Variants in PHF24 observed in about 807,000 individuals in gnomAD.
PHF24 encodes Galpha inhibitory interacting protein.
In PHF24, 25 loss-of-function variants were observed where a neutral mutation model predicts 42.6. The ratio of observed to expected loss-of-function variants is 0.59; its 90% confidence interval spans 0.43 to 0.82. PHF24 has a LOEUF of 0.82. PHF24 is among the 40% of genes least tolerant of loss of function. PHF24 has a pLI of 0.00. For synonymous variants in PHF24, 185 were observed against 204.8 expected, an observed-to-expected ratio of 0.90 and a Z score of 0.83; for missense variants, 470 against 538.1, an observed-to-expected ratio of 0.87 and a Z score of 1.25.
At chr9:34,930,628 T>C in the PHF24 span, among the ~76,000 whole-genome samples, 34 of 151,446 alleles carry the variant, frequency 2.2e-4, no homozygotes, top group African/African-American at 8.3e-4. Context: ...GGTATGACAA[T>C]TCTTCTTCTC....
At chr9:34,760,301 T>C in the PHF24 span, among the ~76,000 whole-genome samples, 1 of 152,216 alleles carries the variant, frequency 6.6e-6, no homozygotes. Context: ...ATGAGTCCTA[T>C]CGCCTTGTAA....
chr9:34,953,896 T>C (rs1468749014), upstream of PHF24, among the ~76,000 whole-genome samples: 1 of 151,988 alleles, frequency 6.6e-6, no homozygotes, highest in Non-Finnish European at 1.5e-5. The surrounding 1 kb of genome is among the most constrained non-coding windows in gnomAD (Gnocchi z 4.1). Context: ...TGATTGCGCC[T>C]CTCCACTCCA....
the PHF24 span, among the ~76,000 whole-genome samples, chr9:34,942,035 G>A: frequency 6.6e-6 from 1 of 152,190 alleles, no homozygotes; most frequent in Non-Finnish European, 1.5e-5. Context: ...TAAACATTCA[G>A]AAGCAGCAGT....
the PHF24 span, among the ~76,000 whole-genome samples, chr9:34,763,249 C>G: frequency 1.3e-5 from 2 of 152,146 alleles, no homozygotes; most frequent in Non-Finnish European, 2.9e-5. Context: ...TCATTGGTAG[C>G]TTGATGGGGA....
At chr9:34,726,862 G>A in the PHF24 span, 1 of 1,551,772 alleles carries the variant, frequency 6.4e-7, no homozygotes, top group Admixed American at 2.0e-5. Flanking sequence ...ATAAAGTCAG[G>A]GAGATCTGGT....
At chr9:34,831,722 TG>T in the PHF24 span, among the ~76,000 whole-genome samples, 1 of 152,164 alleles carries the variant, frequency 6.6e-6, no homozygotes, top group Non-Finnish European at 1.5e-5. Flanking sequence ...TACCAATCCC[TG>T]GGCCTGTGGG....
chr9:34,916,676 A>G, the PHF24 span, among the ~76,000 whole-genome samples: 1 of 152,250 alleles, frequency 6.6e-6, no homozygotes, highest in African/African-American at 2.4e-5. Flanking sequence ...AAAGCTGTTC[A>G]TGCCATATTA....
At chr9:34,841,956 T>A in the PHF24 span, among the ~76,000 whole-genome samples, 1 of 152,226 alleles carries the variant, frequency 6.6e-6, no homozygotes, top group Admixed American at 6.5e-5. Context: ...CTCAAAACTT[T>A]ATTTATACCG....
At chr9:34,824,555 G>A in the PHF24 span, among the ~76,000 whole-genome samples, 7 of 144,728 alleles carry the variant, frequency 4.8e-5, no homozygotes, top group African/African-American at 1.2e-4. Context: ...TAGGTTTGTG[G>A]TTCCTGTTGA....
chr9:34,960,711 C>G (rs931900286), intron 1 of PHF24, among the ~76,000 whole-genome samples: 1 of 152,162 alleles, frequency 6.6e-6, no homozygotes, highest in Non-Finnish European at 1.5e-5. Context: ...GATCCAGGCT[C>G]TCCCCTAATC....
the PHF24 span, chr9:34,724,351 T>C: frequency 5.8e-6 from 9 of 1,550,994 alleles, no homozygotes; most frequent in Non-Finnish European, 7.8e-6. Flanking sequence ...TGGCCAGCTG[T>C]TCTTTAAGGT....
the PHF24 span, among the ~76,000 whole-genome samples, chr9:34,785,157 C>T: frequency 5.9e-5 from 9 of 152,208 alleles, no homozygotes; most frequent in South Asian, 1.4e-3. Context: ...GTCTGTTTGG[C>T]GGTGTTTGTT....
the PHF24 span, among the ~76,000 whole-genome samples, chr9:34,766,546 C>T: frequency 6.6e-6 from 1 of 152,228 alleles, no homozygotes; most frequent in African/African-American, 2.4e-5. Flanking sequence ...TGGCTTTCAG[C>T]TCCATCAGCT....
chr9:34,708,384 G>T, the PHF24 span, among the ~76,000 whole-genome samples: 1 of 152,210 alleles, frequency 6.6e-6, no homozygotes, highest in African/African-American at 2.4e-5. Context: ...CAGGGGCCCA[G>T]ATAGGAATAG....
the PHF24 span, among the ~76,000 whole-genome samples, chr9:34,810,015 GCGC>G: frequency 1.4e-5 from 2 of 145,594 alleles, no homozygotes; most frequent in African/African-American, 2.5e-5. Flanking sequence ...CGCCGCCCAC[GCGC>G]CGCCGCCGCC....
chr9:34,974,661 C>T (rs1827122896), intron 3 of PHF24, among the ~76,000 whole-genome samples: 1 of 152,060 alleles, frequency 6.6e-6, no homozygotes, highest in African/African-American at 2.4e-5. Context: ...TCTCACTGCG[C>T]CCTCTTTGGT....
chr9:34,863,384 G>A, the PHF24 span, among the ~76,000 whole-genome samples: 2 of 151,704 alleles, frequency 1.3e-5, no homozygotes, highest in Non-Finnish European at 2.9e-5. Flanking sequence ...TGGCCACAGG[G>A]GTGCTTGTGA....
At position 34,966,454 on chromosome 9, in the gene PHF24, G is replaced by A. The variant is rs532863308; in HGVS notation, c.-4-4841G>A. ...TTTTCAAAAATTAGCACGACCTGTA[G>A]CCCCAGCTATGTGAGAGGATTGCTT... On this transcript the variant is annotated intron_variant, in intron 1 of 7. Coordinates refer to ENST00000242315, the Ensembl canonical transcript of PHF24. Among the ~76,000 whole-genome samples, 253 of 151,944 alleles carry A rather than the reference G, an allele frequency of 1.7e-3. 1 individual carries two copies. Among genetic ancestry groups the A allele is most frequent in the Non-Finnish European group, 3.1e-3 (210 of 68,008 alleles).
chr9:34,937,008 C>T, the PHF24 span, among the ~76,000 whole-genome samples: 25 of 141,354 alleles, frequency 1.8e-4, no homozygotes, highest in South Asian at 4.5e-3. Flanking sequence ...CCAGCCGCCC[C>T]GTCCGGGAGG....
Sources: allele counts gnomAD v4.1 joint callset (sites outside exome capture counted in the v4.1 genomes callset), GRCh38; gene constraint gnomAD v4.1.1; non-coding constraint Gnocchi (gnomAD v3.1); transcripts MANE v1.5; gene names NCBI Gene and HGNC (gene_info 2026-07-23, HGNC 2026-07-21).